The following USP6 variants were observed in gnomAD, a reference collection of about 807,000 sequenced individuals.
USP6 encodes ubiquitin carboxyl-terminal hydrolase 6.
A neutral mutation model predicts 175.7 loss-of-function variants in USP6; 128 were observed. The ratio of observed to expected loss-of-function variants is 0.73; its 90% CI spans 0.63 to 0.84. USP6 has a LOEUF of 0.84. Ranked by LOEUF, USP6 falls within the 40% of genes least tolerant of loss-of-function variation. The pLI is 0.00. For synonymous variants in USP6, 562 were observed against 630.6 expected (o/e 0.89, Z 1.63); for missense variants, 1,498 against 1,760.3 (o/e 0.85, Z 2.67).
intron 4 of USP6, chr17:5,123,234 GC>G (rs1237627167): frequency 6.6e-6 from 1 of 151,900 alleles, no homozygotes; most frequent in Non-Finnish European, 1.5e-5. Context: ...GGCGGGTGGG[GC>G]TGGGGCACAC....
intron 2 of USP6, among the ~76,000 whole-genome samples, chr17:5,118,849 A>G (rs1472814683): frequency 1.3e-5 from 2 of 152,158 alleles, no homozygotes; most frequent in Non-Finnish European, 2.9e-5. Flanking sequence ...TCATCTACTG[A>G]CTGAGTCTGG....
chr17:5,117,573 G>A (rs568687869), intron 1 of USP6, among the ~76,000 whole-genome samples: 90 of 151,878 alleles, frequency 5.9e-4, no homozygotes, highest in African/African-American at 2.0e-3. Flanking sequence ...AAATGGGGTC[G>A]CATCAGAATA....
chr17:5,174,877 AG>A lies in USP6; in HGVS notation c.*1900del, dbSNP rs2074292406. 1 of 191,324 alleles carries A rather than the reference AG, an allele frequency of 5.2e-6. No individual in the cohort carries two copies. Among genetic ancestry groups the A allele is most frequent in the South Asian group, 1.9e-4 (1 of 5,172 alleles). The allele number at this position is 191,324 out of a possible 1,614,324, so 11.9% of individuals were successfully genotyped here. ...TACATAAATAGAGTGTAAATAAAAT[AG>A]TGTTGATGTACTGAAATATGAACTG... On this transcript the variant is annotated 3_prime_UTR_variant, in exon 38 of 38. Transcript: ENST00000574788.
intron 2 of USP6, among the ~76,000 whole-genome samples, chr17:5,119,034 G>C (rs570141571): frequency 3.9e-5 from 6 of 152,258 alleles, no homozygotes; most frequent in African/African-American, 1.4e-4. Context: ...TCAAAGATGG[G>C]GTTTCACTGG....
rs573669222 is a variant in USP6, at chr17:5,137,295, G to C, written c.825+109G>C. ...CTCCCAGCCCACAGGAGGCTCAGGC[G>C]GGTCCCCGAAGGACACACAAGCAAA... On this transcript the variant is annotated intron_variant, in intron 19 of 37. Transcript: ENST00000574788. 5 of 1,426,280 alleles carry C rather than the reference G, an allele frequency of 3.5e-6. No individual in the cohort carries two copies. In the African/African-American group the frequency reaches 7.0e-5, roughly 20 times the overall value. The allele number at this position is 1,426,280 out of a possible 1,614,324, so 88.4% of individuals were successfully genotyped here.
At chr17:5,146,288 C>G in intron 28 of USP6, 114 bp downstream of exon 28, 2 of 1,356,472 alleles carry the variant, frequency 1.5e-6, no homozygotes, top group Non-Finnish European at 1.9e-6. Flanking sequence ...TAAAACATAA[C>G]GAAAACTGAA....
At chr17:5,122,438 A>G (rs994344645) in intron 4 of USP6, among the ~76,000 whole-genome samples, 9 of 152,186 alleles carry the variant, frequency 5.9e-5, no homozygotes, top group Non-Finnish European at 1.2e-4. Context: ...CTCCATGCTT[A>G]GTCACACGTT....
intron 28 of USP6, among the ~76,000 whole-genome samples, chr17:5,146,512 A>G (rs1477190804): frequency 6.6e-6 from 1 of 152,154 alleles, no homozygotes; most frequent in Non-Finnish European, 1.5e-5. Context: ...CAGCTCTTCT[A>G]TATTACCACT....
At chr17:5,151,776 C>T (rs2073779023) in intron 30 of USP6, among the ~76,000 whole-genome samples, 2 of 152,078 alleles carry the variant, frequency 1.3e-5, no homozygotes, top group African/African-American at 4.8e-5. Context: ...GGTGCTGGGA[C>T]AATTAGATAT....
rs534166997 is a variant in USP6 at position 5,123,778 on chromosome 17, G to A, written c.-1298-788G>A. ...ACACGTGTGCAGACACGTAGTGGAAGCATCCACTGGCTCACACCTGTAGGA... is the reference window on the plus strand; with the variant it reads ...ACACGTGTGCAGACACGTAGTGGAAACATCCACTGGCTCACACCTGTAGGA... On this transcript the variant is annotated intron_variant, in intron 4 of 37. Transcript: ENST00000574788. 3.3e-5 allele frequency among the ~76,000 whole-genome samples: 5 copies of A among 152,270 alleles called. No homozygotes were observed. The East Asian group carries it at 9.7e-4, about 29-fold the overall frequency.
intron 25 of USP6, among the ~76,000 whole-genome samples, chr17:5,143,725 T>C (rs2073523611): frequency 6.7e-6 from 1 of 149,766 alleles, no homozygotes; most frequent in East Asian, 2.0e-4. Flanking sequence ...AATCCCCCTC[T>C]GCGAGAAACA....
chr17:5,119,738 G>C (rs1192589101), intron 2 of USP6, among the ~76,000 whole-genome samples: 4 of 152,170 alleles, frequency 2.6e-5, no homozygotes, highest in Non-Finnish European at 5.9e-5. Context: ...AATAGTGATA[G>C]TCATTAAAAC....
chr17:5,133,511 C>T lies in USP6; in HGVS notation c.345C>T (p.Asn115=), dbSNP rs769305252. Residue 115 remains asparagine (N), a synonymous_variant, in exon 14 of 38, where the codon AAC becomes AAT. Transcript: ENST00000574788. ...IRGPVWSVLL[N]IQEIKLKNPG... is the part of the protein sequence containing the mutation. ...GCCCGGTGTGGTCAGTCCTCCTGAA[C>T]ATTCAGGAAATCAAGTTGAAAAACC... is the stretch of plus-strand genomic sequence containing the variant. 8.0e-5 allele frequency: 129 copies of T among 1,611,586 alleles called. 5 individuals are homozygous for T. The South Asian group carries it at 1.3e-3, about 17-fold the overall frequency.
chr17:5,153,564 G>T lies in USP6; in HGVS notation c.2644-1858G>T, dbSNP rs1208982277. The stretch of plus-strand genomic sequence containing the variant: ...GCCTCCCAAAGTGCTGGAATTACAG[G>T]CATGAGCCACCGCATCCAGCCAGAA... On this transcript the variant is annotated intron_variant, in intron 30 of 37. Coordinates refer to ENST00000574788, the MANE Select transcript of USP6 (RefSeq NM_001304284.2). Among the ~76,000 whole-genome samples, 6 of 152,286 alleles carry T rather than the reference G, an allele frequency of 3.9e-5. No homozygotes were observed. The East Asian group carries it at 7.7e-4, about 20-fold the overall frequency.
chr17:5,163,910 G>A (rs987535579), intron 33 of USP6, among the ~76,000 whole-genome samples: 6 of 152,134 alleles, frequency 3.9e-5, no homozygotes, highest in Non-Finnish European at 8.8e-5. Flanking sequence ...TTCTATTGTC[G>A]CTGTCTGGCC....
intron 31 of USP6, among the ~76,000 whole-genome samples, chr17:5,157,519 A>C (rs2073909846): frequency 6.6e-6 from 1 of 152,210 alleles, no homozygotes. Context: ...GACAAGATTA[A>C]ATTTGAAGTG....
chr17:5,147,189 A>G lies in USP6; in HGVS notation c.2426A>G (p.Gln809Arg). The change falls in exon 29 of 38, where the codon CAA becomes CGA. Residue 809 changes from glutamine (Q) to arginine (R), a missense_variant. This residue lies in a region of USP6 where 1,217 missense variants were observed against 1,500.8 expected (regional missense o/e 0.81). Coordinates refer to ENST00000574788, the MANE Select transcript of USP6 (RefSeq NM_001304284.2). ...SSPISASSPTQIDFSSSPSTN... is the reference protein window; with the variant it reads ...SSPISASSPTRIDFSSSPSTN... ...CCAATTTCAGCTTCTAGTCCAACAC[A>G]AATAGGTAAGATAGAACTAGAACTC... 3 of 1,611,762 alleles carry G rather than the reference A, an allele frequency of 1.9e-6. No individual in the cohort carries two copies. The highest frequency in any genetic ancestry group is 2.5e-6 in the Non-Finnish European group (3 of 1,178,418).
At chr17:5,161,499 T>TA in intron 31 of USP6, 29 bp from the exon 32 acceptor site, 2 of 1,610,190 alleles carry the variant, frequency 1.2e-6, no homozygotes, top group Non-Finnish European at 1.7e-6. Flanking sequence ...AAATGCTTCT[T>TA]ACACTCTTTT....
chr17:5,133,894 A>G lies in USP6; in HGVS notation c.392A>G (p.Lys131Arg), dbSNP rs1190828499. ...LKNPGRYQIM[K>R]ERGKRSSEHI... ...CTTGGCCCTGCCCTACAGATCATGA[A>G]GGAGAGGGGCAAGAGGTCATCTGAA... The change falls in exon 15 of 38, where the codon AAG (lysine) becomes AGG (arginine). Residue 131 changes from lysine (K) to arginine (R), a missense_variant. Physicochemically the swap from Lys to Arg is conservative, Grantham distance 26. Coordinates refer to ENST00000574788, the MANE Select transcript of USP6 (RefSeq NM_001304284.2). 1 of 1,614,054 alleles carries G rather than the reference A, an allele frequency of 6.2e-7. No homozygotes were observed. The highest frequency in any genetic ancestry group is 8.5e-7 in the Non-Finnish European group (1 of 1,179,982).
Sources: gnomAD v4.1 joint callset for allele counts (sites outside exome capture counted in the v4.1 genomes callset) on GRCh38, gnomAD v4.1.1 for gene constraint, gnomAD v4.1.1 regional missense constraint, MANE v1.5 for transcripts, NCBI Gene and HGNC (gene_info 2026-07-23, HGNC 2026-07-21) for gene names.